Variants in PITPNB observed in about 807,000 individuals in gnomAD.
PITPNB encodes the protein phosphatidylinositol transfer protein beta isoform.
A neutral mutation model predicts 45.9 loss-of-function variants in PITPNB; 16 were observed. The ratio of observed to expected loss-of-function variants is 0.35; its 90% CI spans 0.24 to 0.53. The LOEUF (loss-of-function observed/expected upper bound fraction) is 0.53. PITPNB is among the 20% of genes least tolerant of loss of function. The probability of loss-of-function intolerance (pLI) is 0.93; values close to 1 mark genes in which losing one functional copy is unlikely to be tolerated. For synonymous variants in PITPNB, 112 were observed against 108.9 expected (o/e 1.03, Z -0.18); for missense variants, 188 against 330.5 (o/e 0.57, Z 3.34).
At position 27,853,537 on chromosome 22, in the gene PITPNB, C is replaced by T. The variant is rs1934087152; in HGVS notation, c.*165G>A. The T allele has an allele frequency of 1.8e-6, 2 of 1,127,390 alleles. No individual in the cohort carries two copies. Among genetic ancestry groups the T allele is most frequent in the Admixed American group, 2.0e-5 (1 of 50,366 alleles). 69.8% of individuals were successfully genotyped at this position (1,127,390 alleles called of 1,614,324 possible). On this transcript the variant is annotated 3_prime_UTR_variant, in exon 12 of 12. Coordinates refer to ENST00000335272, the MANE Select transcript of PITPNB (RefSeq NM_012399.5). ...CATATATACACACGTGGTTGAGAAC[C>T]TGTGCATGTGTGTGTATCATCACAA...
At chr22:27,903,616 A>G (rs1935673394) in intron 3 of PITPNB, among the ~76,000 whole-genome samples, 1 of 146,160 alleles carries the variant, frequency 6.8e-6, no homozygotes, top group Middle Eastern at 3.5e-3. Flanking sequence ...CCACCTCTAC[A>G]AAAAAAAAAA....
At chr22:27,874,495 T>C (rs1242764511) in intron 7 of PITPNB, among the ~76,000 whole-genome samples, 1 of 152,174 alleles carries the variant, frequency 6.6e-6, no homozygotes. Flanking sequence ...GGCTCTAAAA[T>C]GAAGGTTTTA....
intron 9 of PITPNB, 140 bp from the exon 10 acceptor site, chr22:27,858,649 A>G (rs1569003297): frequency 3.3e-6 from 2 of 608,010 alleles, no homozygotes; most frequent in Non-Finnish European, 2.8e-6. Context: ...TGTGGAAATC[A>G]TAATTCCATT....
intron 8 of PITPNB, among the ~76,000 whole-genome samples, chr22:27,872,143 G>T (rs978394835): frequency 5.1e-5 from 7 of 138,078 alleles, no homozygotes; most frequent in African/African-American, 8.0e-5. Context: ...GCCCAGGTTG[G>T]AGTGCAATGG....
intron 9 of PITPNB, among the ~76,000 whole-genome samples, chr22:27,859,796 G>A (rs1025127651): frequency 7.2e-5 from 11 of 152,158 alleles, no homozygotes; most frequent in South Asian, 2.1e-4. Context: ...GGCTGGGCCC[G>A]CTCTCTCCCT....
rs116029927 is a variant in PITPNB, at chr22:27,872,508, C to T, written c.534+1230G>A. Reference sequence around the variant, plus strand: ...TCTGAACTAAACTCTACCCAGAGAACAAATGTGAAAATAATATAGTTATGA... The same window carrying T: ...TCTGAACTAAACTCTACCCAGAGAATAAATGTGAAAATAATATAGTTATGA... On this transcript the variant is annotated intron_variant, in intron 8 of 11. Transcript: ENST00000335272. 6.5e-3 allele frequency among the ~76,000 whole-genome samples: 996 copies of T among 152,274 alleles called. 7 individuals are homozygous for T. Among genetic ancestry groups the T allele is most frequent in the African/African-American group, 0.022 (901 of 41,550 alleles).
chr22:27,884,751 C>T (rs958732201), intron 7 of PITPNB, among the ~76,000 whole-genome samples: 1 of 151,986 alleles, frequency 6.6e-6, no homozygotes, highest in African/African-American at 2.4e-5. Context: ...AAATGGATCC[C>T]GATTTTTAAA....
At chr22:27,871,986 T>C (rs1934674407) in intron 8 of PITPNB, among the ~76,000 whole-genome samples, 1 of 150,312 alleles carries the variant, frequency 6.7e-6, no homozygotes, top group Non-Finnish European at 1.5e-5. Flanking sequence ...CTCCTTTGCC[T>C]ACCATGACTG....
chr22:27,874,532 T>G (rs1934762194), intron 7 of PITPNB, among the ~76,000 whole-genome samples: 1 of 152,236 alleles, frequency 6.6e-6, no homozygotes, highest in Non-Finnish European at 1.5e-5. Flanking sequence ...GTGTAAATTC[T>G]GTTTCCCTTA....
chr22:27,910,138 G>C (rs770644753), intron 3 of PITPNB, among the ~76,000 whole-genome samples: 10 of 151,950 alleles, frequency 6.6e-5, no homozygotes, highest in Non-Finnish European at 1.5e-4. Flanking sequence ...TTTTAGTAGA[G>C]ACAGGGTTTC....
chr22:27,873,987 T>C (rs1934745711), intron 7 of PITPNB, among the ~76,000 whole-genome samples, 172 bp from the exon 8 acceptor site: 2 of 152,240 alleles, frequency 1.3e-5, no homozygotes, highest in Non-Finnish European at 2.9e-5. Context: ...TTCAGTTTGG[T>C]TTCCTTTGCT....
chr22:27,887,320 A>G (rs1935149529), intron 7 of PITPNB, among the ~76,000 whole-genome samples: 1 of 152,176 alleles, frequency 6.6e-6, no homozygotes, highest in Admixed American at 6.5e-5. Context: ...ACAGCCTCCT[A>G]GTACAGGCCC....
chr22:27,865,168 A>T (rs1000143091), intron 8 of PITPNB, among the ~76,000 whole-genome samples: 11 of 152,168 alleles, frequency 7.2e-5, no homozygotes, highest in Non-Finnish European at 1.0e-4. Context: ...TTAAAAATTT[A>T]AAAAAACCTA....
At chr22:27,902,101 C>G (rs1935611289) in intron 3 of PITPNB, among the ~76,000 whole-genome samples, 1 of 151,938 alleles carries the variant, frequency 6.6e-6, no homozygotes, top group Non-Finnish European at 1.5e-5. Flanking sequence ...AATTACTTAA[C>G]AAGCAGTGCA....
chr22:27,903,076 A>C (rs1879742479), intron 3 of PITPNB, among the ~76,000 whole-genome samples: 1 of 152,166 alleles, frequency 6.6e-6, no homozygotes. Context: ...AAGATAACTC[A>C]CAGAATGGGG....
chr22:27,901,810 G>A (rs1221798581), intron 3 of PITPNB, among the ~76,000 whole-genome samples: 2 of 152,222 alleles, frequency 1.3e-5, no homozygotes, highest in African/African-American at 4.8e-5. Context: ...CTTGACTCAG[G>A]GAGGTGGACG....
At chr22:27,877,075 A>G (rs1323950728) in intron 7 of PITPNB, among the ~76,000 whole-genome samples, 1 of 152,210 alleles carries the variant, frequency 6.6e-6, no homozygotes, top group Non-Finnish European at 1.5e-5. Context: ...GAAAAAAGAG[A>G]GCAAATTCAC....
In PITPNB at chr22:27,911,169, T is replaced by G. The variant is rs1935910349; in HGVS notation, c.52-60A>C. On this transcript the variant is annotated intron_variant, in intron 2 of 11. Transcript: ENST00000335272. ...CAGTAGTAACTGCAGAAATTTAGTA[T>G]GCTAAAATCTTAATAATATAGATGA... The G allele has an allele frequency of 3.3e-6, 4 of 1,212,066 alleles. No homozygotes were observed. In the South Asian group the frequency reaches 4.9e-5, roughly 15 times the overall value. 75.1% of individuals were successfully genotyped at this position (1,212,066 alleles called of 1,614,324 possible).
At chr22:27,886,583 C>T (rs1210494005) in intron 7 of PITPNB, among the ~76,000 whole-genome samples, 1 of 152,198 alleles carries the variant, frequency 6.6e-6, no homozygotes, top group African/African-American at 2.4e-5. Context: ...ATAAACACTA[C>T]CAAAGACAGC....
Sources: gnomAD v4.1 joint callset for allele counts (sites outside exome capture counted in the v4.1 genomes callset) on GRCh38, gnomAD v4.1.1 for gene constraint, MANE v1.5 for transcripts, NCBI Gene and HGNC (gene_info 2026-07-23, HGNC 2026-07-21) for gene names.